Variants in HLF observed in about 807,000 individuals in gnomAD.
HLF encodes the protein HLF transcription factor, PAR bZIP family member.
A neutral mutation model predicts 22.6 loss-of-function variants in HLF; 3 were observed. The ratio of observed to expected loss-of-function variants is 0.13; its 90% confidence interval spans 0.06 to 0.34. The LOEUF is 0.34. HLF is among the 10% of genes least tolerant of loss of function. HLF has a pLI of 1.00. For synonymous variants in HLF, 151 were observed against 151.8 expected, an observed-to-expected ratio of 0.99 and a Z score of 0.04; for missense variants, 299 against 389.2, an observed-to-expected ratio of 0.77 and a Z score of 1.95.
intron 2 of HLF, among the ~76,000 whole-genome samples, chr17:55,285,407 TC>T (rs1322225531): frequency 6.6e-6 from 1 of 152,308 alleles, no homozygotes; most frequent in Non-Finnish European, 1.5e-5. Flanking sequence ...TAAGCAGCAT[TC>T]CCCTGAGCCT....
At chr17:55,276,693 CAG>C (rs1247245137) in intron 2 of HLF, among the ~76,000 whole-genome samples, 27 of 152,262 alleles carry the variant, frequency 1.8e-4, no homozygotes, top group African/African-American at 6.3e-4. Flanking sequence ...GGAGATGAGT[CAG>C]AGAGGTTGGT....
intron 2 of HLF, among the ~76,000 whole-genome samples, chr17:55,289,882 TAATA>T (rs1356281593): frequency 6.6e-6 from 1 of 152,156 alleles, no homozygotes; most frequent in Non-Finnish European, 1.5e-5. Flanking sequence ...TTCATTGTAT[TAATA>T]AATAAGCCTG....
chr17:55,304,217 G>C (rs1468590289), intron 2 of HLF, among the ~76,000 whole-genome samples: 1 of 152,136 alleles, frequency 6.6e-6, no homozygotes, highest in Non-Finnish European at 1.5e-5. Flanking sequence ...TATCGGGTAG[G>C]AGGAGGCCAA....
chr17:55,284,710 C>T (rs2080986972), intron 2 of HLF, among the ~76,000 whole-genome samples: 2 of 152,184 alleles, frequency 1.3e-5, no homozygotes, highest in Non-Finnish European at 2.9e-5. Context: ...TTCTCCAGCA[C>T]AGTTCCTGAG....
intron 3 of HLF, among the ~76,000 whole-genome samples, chr17:55,317,218 C>T (rs1196371390): frequency 1.3e-5 from 2 of 151,890 alleles, no homozygotes; most frequent in South Asian, 2.1e-4. Flanking sequence ...CTGCCCACCT[C>T]GGTCTTCCAA....
chr17:55,299,145 T>C (rs2081134923), intron 2 of HLF, among the ~76,000 whole-genome samples: 1 of 152,256 alleles, frequency 6.6e-6, no homozygotes, highest in African/African-American at 2.4e-5. Flanking sequence ...TTGCTCACCG[T>C]ACCCCAAATG....
rs1343566671 is a variant in HLF at position 55,323,064 on chromosome 17, G to A, written c.*2185G>A. Reference sequence around the variant, plus strand: ...GTCTCCTCGTCAATCCATCAGCAATGCTTCTCTCATAGTGTCATAGACTTG... The same window carrying A: ...GTCTCCTCGTCAATCCATCAGCAATACTTCTCTCATAGTGTCATAGACTTG... On this transcript the variant is annotated 3_prime_UTR_variant, in exon 4 of 4. Transcript: ENST00000226067. 4.5e-6 allele frequency: 1 copy of A among 220,038 alleles called. No individual in the cohort carries two copies. The highest frequency in any genetic ancestry group is 9.1e-6 in the Non-Finnish European group (1 of 109,758). 13.6% of individuals were successfully genotyped at this position (220,038 alleles called of 1,614,324 possible).
intron 2 of HLF, among the ~76,000 whole-genome samples, chr17:55,285,142 C>T (rs1261496443): frequency 6.6e-6 from 1 of 152,186 alleles, no homozygotes; most frequent in African/African-American, 2.4e-5. Flanking sequence ...GCCTGGGTCC[C>T]TGTGGGGTGA....
At chr17:55,292,741 A>T (rs764630585) in intron 2 of HLF, among the ~76,000 whole-genome samples, 2 of 152,232 alleles carry the variant, frequency 1.3e-5, no homozygotes, top group Non-Finnish European at 2.9e-5. Context: ...AATCAACCTA[A>T]GTGTCCATCA....
chr17:55,284,809 T>G (rs181293215), intron 2 of HLF, among the ~76,000 whole-genome samples: 1 of 152,302 alleles, frequency 6.6e-6, no homozygotes, highest in Admixed American at 6.5e-5. Flanking sequence ...GGGAACAAGT[T>G]GACCACAGGG....
Position 55,322,946 on chromosome 17 carries a change from A to T in HLF, c.*2067A>T, listed in dbSNP as rs1905311452. 4.4e-6 allele frequency: 1 copy of T among 225,376 alleles called. No homozygotes were observed. The highest frequency in any genetic ancestry group is 8.8e-6 in the Non-Finnish European group (1 of 113,062). The allele number at this position is 225,376 out of a possible 1,614,324, so 14.0% of individuals were successfully genotyped here. A position where few individuals can be genotyped will look rare whatever the true frequency, so the allele number is the denominator to read the frequency against. On this transcript the variant is annotated 3_prime_UTR_variant, in exon 4 of 4. Coordinates refer to ENST00000226067, the MANE Select transcript of HLF (RefSeq NM_002126.5). ...TCAAGAAATTCTGCTGTTACGACAA[A>T]GAAACATTTTACGCTAGATTAAAAT...
At chr17:55,292,999 G>A (rs549376690) in intron 2 of HLF, among the ~76,000 whole-genome samples, 1 of 152,270 alleles carries the variant, frequency 6.6e-6, no homozygotes, top group Non-Finnish European at 1.5e-5. Flanking sequence ...AGGTTAGCGG[G>A]GGCTGGGATG....
intron 2 of HLF, among the ~76,000 whole-genome samples, chr17:55,307,402 C>T (rs981867744): frequency 6.6e-6 from 1 of 151,892 alleles, no homozygotes; most frequent in African/African-American, 2.4e-5. Flanking sequence ...CTCCTGGCCT[C>T]AAGTGATCTG....
intron 2 of HLF, among the ~76,000 whole-genome samples, chr17:55,269,876 A>C (rs183480992): frequency 4.2e-4 from 64 of 152,326 alleles, no homozygotes; most frequent in Admixed American, 3.7e-3. Flanking sequence ...ATTTTGACCA[A>C]CACTTGTAAT....
At chr17:55,288,712 C>T (rs928316570) in intron 2 of HLF, among the ~76,000 whole-genome samples, 9 of 150,518 alleles carry the variant, frequency 6.0e-5, no homozygotes, top group Admixed American at 1.3e-4. Flanking sequence ...GCTGAGATTG[C>T]GCCACTGTAC....
chr17:55,315,550 G>A, intron 3 of HLF, 103 bp downstream of exon 3: 1 of 824,126 alleles, frequency 1.2e-6, no homozygotes, highest in Non-Finnish European at 2.0e-6. Context: ...AGTGCATGAA[G>A]GATTTCTGAT....
chr17:55,311,262 A>C (rs1184765008), intron 2 of HLF, among the ~76,000 whole-genome samples: 1 of 152,240 alleles, frequency 6.6e-6, no homozygotes, highest in African/African-American at 2.4e-5. Flanking sequence ...TAGTAAGACC[A>C]GCCTGGCCAA....
rs1426815841 is a variant in HLF, at chr17:55,323,298, A to G, written c.*2419A>G. On this transcript the variant is annotated 3_prime_UTR_variant, in exon 4 of 4. Transcript: ENST00000226067. The stretch of plus-strand genomic sequence containing the variant: ...AGAGTTGGCCTTTTTACAGGCAAAG[A>G]GGCGAATTGTAGAATTGTTAGATGG... The G allele has an allele frequency of 4.6e-6, 1 of 216,644 alleles. No homozygotes were observed. Among genetic ancestry groups the G allele is most frequent in the Admixed American group, 5.8e-5 (1 of 17,234 alleles). 13.4% of individuals were successfully genotyped at this position (216,644 alleles called of 1,614,324 possible).
chr17:55,276,405 ATT>A (rs2080904772), intron 2 of HLF, among the ~76,000 whole-genome samples: 1 of 152,208 alleles, frequency 6.6e-6, no homozygotes, highest in African/African-American at 2.4e-5. Context: ...AGGTTGAAAG[ATT>A]AATCAAGAAA....
Sources: allele counts gnomAD v4.1 joint callset (sites outside exome capture counted in the v4.1 genomes callset), GRCh38; gene constraint gnomAD v4.1.1; transcripts MANE v1.5; gene names NCBI Gene and HGNC (gene_info 2026-07-23, HGNC 2026-07-21).